DNAH11: variants seen among roughly 807,000 people sequenced by gnomAD.
The protein encoded by DNAH11 is dynein axonemal heavy chain 11, also known as axonemal beta dynein heavy chain 11.
Under a neutral mutation model 526.0 loss-of-function variants are expected in DNAH11, and 442 were observed. The observed-to-expected ratio is 0.84, with a 90% CI of 0.78 to 0.91. The LOEUF (loss-of-function observed/expected upper bound fraction) is 0.91. DNAH11 is among the 40% of genes least tolerant of loss of function. The pLI, the probability that DNAH11 is intolerant of heterozygous loss-of-function variation, is 0.00. For synonymous variants in DNAH11, 2,461 were observed against 1,935.9 expected, an observed-to-expected ratio of 1.27 and a Z score of -7.12; for missense variants, 6,989 against 5,448.7, an observed-to-expected ratio of 1.28 and a Z score of -8.90.
chr7:21,815,141 C>T (rs539759894), intron 63 of DNAH11, among the ~76,000 whole-genome samples: 1 of 152,066 alleles, frequency 6.6e-6, no homozygotes, highest in African/African-American at 2.4e-5. Flanking sequence ...GGTACTCAAA[C>T]TATGGATTTT....
chr7:21,622,401 AATTTATAGATTCAATGCC>A (rs1451411546), intron 25 of DNAH11, among the ~76,000 whole-genome samples: 32 of 152,212 alleles, frequency 2.1e-4, no homozygotes, highest in Non-Finnish European at 2.6e-4. Context: ...TGCCCAAAGT[AATTTATAGATTCAATGCC>A]ATCCCCATCA....
chr7:21,544,897 A>ACC (rs1782748146), intron 1 of DNAH11, 109 bp from the exon 2 acceptor site: 1 of 872,758 alleles, frequency 1.1e-6, no homozygotes, highest in Non-Finnish European at 1.7e-6. Context: ...GGCAGGCAAG[A>ACC]TGCCAGGTTT....
chr7:21,583,916 A>G (rs368990145), intron 9 of DNAH11, among the ~76,000 whole-genome samples: 2 of 152,248 alleles, frequency 1.3e-5, no homozygotes, highest in African/African-American at 2.4e-5. Context: ...ATCATTAAAA[A>G]GTCAGGAAAC....
intron 45 of DNAH11, among the ~76,000 whole-genome samples, chr7:21,728,977 G>C (rs149612884): frequency 2.6e-4 from 40 of 152,360 alleles, no homozygotes; most frequent in African/African-American, 8.7e-4. Context: ...GGGGGCAGCA[G>C]CCCTGTCCCT....
chr7:21,693,037 C>G (rs1783695868), intron 35 of DNAH11, among the ~76,000 whole-genome samples: 1 of 152,152 alleles, frequency 6.6e-6, no homozygotes, highest in Admixed American at 6.5e-5. Context: ...TATTTTTTCT[C>G]TCAATTTGTG....
intron 25 of DNAH11, among the ~76,000 whole-genome samples, chr7:21,624,278 ACCT>A (rs1786224299): frequency 6.6e-6 from 1 of 151,908 alleles, no homozygotes; most frequent in South Asian, 2.1e-4. Context: ...CAGATATTTC[ACCT>A]CCTTTGGTTA....
At chr7:21,559,570 C>A in intron 3 of DNAH11, 33 bp from the exon 4 acceptor site, 1 of 1,490,640 alleles carries the variant, frequency 6.7e-7, no homozygotes, top group Non-Finnish European at 9.1e-7. Context: ...AATGATTCAT[C>A]TTTGAATTAT....
At chr7:21,749,090 A>G (rs1012743928) in intron 52 of DNAH11, among the ~76,000 whole-genome samples, 9 of 152,150 alleles carry the variant, frequency 5.9e-5, no homozygotes, top group Admixed American at 5.9e-4. Context: ...TGGGGAAAAA[A>G]GACACTAACT....
At chr7:21,833,698 AAAT>A (rs1781878076) in intron 65 of DNAH11, among the ~76,000 whole-genome samples, 1 of 152,092 alleles carries the variant, frequency 6.6e-6, no homozygotes, top group Non-Finnish European at 1.5e-5. Context: ...CCACCTCAAA[AAAT>A]AAAAAATAAA....
intron 45 of DNAH11, among the ~76,000 whole-genome samples, chr7:21,734,444 T>G (rs760676010): frequency 8.0e-4 from 122 of 152,356 alleles, no homozygotes; most frequent in Middle Eastern, 3.4e-3. Flanking sequence ...TTTAAAGAGT[T>G]GTCTAGGACT....
chr7:21,680,435 A>G (rs978670462), intron 30 of DNAH11, among the ~76,000 whole-genome samples: 1 of 152,248 alleles, frequency 6.6e-6, no homozygotes, highest in African/African-American at 2.4e-5. Flanking sequence ...CTTTTTGTGT[A>G]AATAACCATA....
intron 44 of DNAH11, among the ~76,000 whole-genome samples, chr7:21,721,184 C>T (rs1784862098): frequency 6.6e-6 from 1 of 152,174 alleles, no homozygotes; most frequent in Admixed American, 6.5e-5. Context: ...TCCTCCTCTG[C>T]CCCATACTCC....
At chr7:21,893,322 C>A (rs1784394482) in intron 77 of DNAH11, among the ~76,000 whole-genome samples, 1 of 152,216 alleles carries the variant, frequency 6.6e-6, no homozygotes, top group Admixed American at 6.5e-5. Flanking sequence ...GTTCCACTTG[C>A]TCTATCTTTT....
intron 28 of DNAH11, 87 bp from the exon 29 acceptor site, chr7:21,655,745 C>T (rs910587894): frequency 2.1e-5 from 28 of 1,345,794 alleles, no homozygotes; most frequent in Non-Finnish European, 2.9e-5. Context: ...CATAACGTTT[C>T]ATGACTTCAT....
chr7:21,709,012 GT>G (rs772431207), intron 40 of DNAH11, among the ~76,000 whole-genome samples: 1 of 152,164 alleles, frequency 6.6e-6, no homozygotes, highest in Non-Finnish European at 1.5e-5. Context: ...ATGGAAATTA[GT>G]TTGGAGATTT....
At chr7:21,813,071 C>G (rs1489211011) in intron 63 of DNAH11, among the ~76,000 whole-genome samples, 1 of 152,176 alleles carries the variant, frequency 6.6e-6, no homozygotes, top group Admixed American at 6.5e-5. Context: ...AGGGAGCAAA[C>G]AGTAACACAG....
In DNAH11 at chr7:21,784,522, A is replaced by G. The variant is rs982666287; in HGVS notation, c.9579A>G (p.Ala3193=). 6.2e-7 allele frequency: 1 copy of G among 1,609,988 alleles called. No individual in the cohort carries two copies. The highest frequency in any genetic ancestry group is 8.5e-7 in the Non-Finnish European group (1 of 1,177,906). ...CTGCACTGGTGGCTGCTACAGCTGC[A>G]CTCAATACACTCAACAGGGTAAAGA... is the stretch of plus-strand genomic sequence containing the variant. The part of the protein sequence containing the change: ...AEPALVAATA[A]LNTLNRVNLS... Residue 3193 remains alanine (A), a synonymous_variant, in exon 58 of 82, where the codon GCA becomes GCG. Transcript: ENST00000409508.
intron 56 of DNAH11, among the ~76,000 whole-genome samples, chr7:21,774,465 C>T (rs76484013): frequency 6.6e-6 from 1 of 152,122 alleles, no homozygotes; most frequent in African/African-American, 2.4e-5. Context: ...TCTTACACAT[C>T]TGTGTCCTCA....
intron 70 of DNAH11, among the ~76,000 whole-genome samples, chr7:21,865,637 G>A (rs1007170125): frequency 6.6e-6 from 1 of 152,176 alleles, no homozygotes; most frequent in Non-Finnish European, 1.5e-5. Context: ...ACATTCCCAC[G>A]AGAAAGAGCT....
Sources: allele counts gnomAD v4.1 joint callset (sites outside exome capture counted in the v4.1 genomes callset), GRCh38; gene constraint gnomAD v4.1.1; transcripts MANE v1.5; gene names NCBI Gene and HGNC (gene_info 2026-07-23, HGNC 2026-07-21).